PGBD4: variants seen among roughly 807,000 people sequenced by gnomAD.
PGBD4 encodes the protein piggyBac transposable element derived 4.
PGBD4 carries 1 observed loss-of-function variant against 0.3 expected under a neutral mutation model. The ratio of observed to expected loss-of-function variants is 3.72; its 90% CI spans 1.32 to 17.64. The LOEUF (loss-of-function observed/expected upper bound fraction) is 17.64, where lower values mean the gene tolerates loss of function less well. Ranked by LOEUF, PGBD4 falls within the 30% of genes most tolerant of loss-of-function variation. The pLI is 0.11. For synonymous variants in PGBD4, 253 were observed against 267.7 expected (o/e 0.95, Z 0.54); for missense variants, 624 against 719.7 (o/e 0.87, Z 1.52).
At position 34,102,660 on chromosome 15, in the gene PGBD4, T is replaced by G; in HGVS notation, c.129T>G (p.Asp43Glu). 6.2e-7 allele frequency: 1 copy of G among 1,614,184 alleles called. No individual in the cohort carries two copies. Among genetic ancestry groups the G allele is most frequent in the South Asian group, 1.1e-5 (1 of 91,084 alleles). The change falls in exon 1 of 1, where the codon GAT (aspartate) becomes GAG (glutamate). Residue 43 changes from aspartate to glutamate, a missense_variant. Physicochemically the swap from Asp to Glu is conservative, Grantham distance 45 (BLOSUM62 2). Coordinates refer to ENST00000397766, the MANE Select transcript of PGBD4 (RefSeq NM_152595.5). This position sits in a 1 kb window ranked among gnomAD's most constrained non-coding sequence, Gnocchi z 4.7. ...SEIDDSDNFS[D>E]SALEADKIRP... ...TAGATGATTCTGATAATTTTTCGGA[T>G]AGTGCTTTAGAAGCCGATAAGATCA... is the stretch of plus-strand genomic sequence containing the variant.
rs771859981 is a variant in PGBD4 at position 34,105,867 on chromosome 15, A to G, written c.*1578A>G. ...AAGTCAGTTCAGGACTGAGAAAGGAAAGATCAGTGCTGATTTTAATCAGAC... is the reference window on the plus strand; with the variant it reads ...AAGTCAGTTCAGGACTGAGAAAGGAGAGATCAGTGCTGATTTTAATCAGAC... On this transcript the variant is annotated 3_prime_UTR_variant, in exon 1 of 1. Transcript: ENST00000397766. The G allele has an allele frequency of 1.2e-5, 2 of 166,986 alleles. No individual in the cohort carries two copies. Among genetic ancestry groups the G allele is most frequent in the Non-Finnish European group, 2.9e-5 (2 of 68,124 alleles). 10.3% of individuals were successfully genotyped at this position (166,986 alleles called of 1,614,324 possible).
chr15:34,106,404 C>G lies in PGBD4; in HGVS notation c.*2115C>G, dbSNP rs1887764263. 2 of 152,320 alleles carry G rather than the reference C, an allele frequency of 1.3e-5. No individual in the cohort carries two copies. The highest frequency in any genetic ancestry group is 4.8e-5 in the African/African-American group (2 of 41,428). The allele number at this position is 152,320 out of a possible 1,614,324, so 9.4% of individuals were successfully genotyped here. A position where few individuals can be genotyped will look rare whatever the true frequency, so the allele number is the denominator to read the frequency against. On this transcript the variant is annotated 3_prime_UTR_variant, in exon 1 of 1. Transcript: ENST00000397766. ...GAGCCAAGATCGCACCACTGCACTC[C>G]AGCCCTGGCGACAGAGTGAGACTCC...
Position 34,106,090 on chromosome 15 carries a change from C to G in PGBD4, c.*1801C>G, listed in dbSNP as rs1168989059. On this transcript the variant is annotated 3_prime_UTR_variant, in exon 1 of 1. Transcript: ENST00000397766. Reference sequence around the variant, plus strand: ...ATACCCAATCAAGAGCCAATCCTTGCTTCCCTAGACTCTCCTCAATCATTC... The same window carrying G: ...ATACCCAATCAAGAGCCAATCCTTGGTTCCCTAGACTCTCCTCAATCATTC... 1.2e-5 allele frequency: 2 copies of G among 167,140 alleles called. No individual in the cohort carries two copies. The highest frequency in any genetic ancestry group is 2.9e-5 in the Non-Finnish European group (2 of 68,156). The allele number at this position is 167,140 out of a possible 1,614,324, so 10.4% of individuals were successfully genotyped here. A position where few individuals can be genotyped will look rare whatever the true frequency, so the allele number is the denominator to read the frequency against.
chr15:34,103,983 C>T lies in PGBD4; in HGVS notation c.1452C>T (p.Asn484=). 1.2e-6 allele frequency: 2 copies of T among 1,614,154 alleles called. No individual in the cohort carries two copies. Among genetic ancestry groups the T allele is most frequent in the Non-Finnish European group, 1.7e-6 (2 of 1,180,026 alleles). Residue 484 remains asparagine (N), a synonymous_variant, in exon 1 of 1, where the codon AAC becomes AAT. Coordinates refer to ENST00000397766, the MANE Select transcript of PGBD4 (RefSeq NM_152595.5). The surrounding 1 kb of genome is among the most constrained non-coding windows in gnomAD (Gnocchi z 4.6). Reference sequence around the variant, plus strand: ...CTGAGCACACGATGAGCCATATAAACTTCAGACTGGCATTGATTGAAAGAA... The same window carrying T: ...CTGAGCACACGATGAGCCATATAAATTTCAGACTGGCATTGATTGAAAGAA... ...DNPEHTMSHI[N]FRLALIERML...
At position 34,103,602 on chromosome 15, in the gene PGBD4, C is replaced by G. The variant is rs1901220547; in HGVS notation, c.1071C>G (p.Asn357Lys). ...RTDAVGTARLNRKQIPNDLKK... is the reference protein window; with the variant it reads ...RTDAVGTARLKRKQIPNDLKK... ...ATGCAGTTGGGACAGCTCGTTTGAACAGAAAACAGATTCCAAATGATCTGA... is the reference window on the plus strand; with the variant it reads ...ATGCAGTTGGGACAGCTCGTTTGAAGAGAAAACAGATTCCAAATGATCTGA... Residue 357 changes from asparagine to lysine, a missense_variant, in exon 1 of 1, where the codon AAC becomes AAG. Transcript: ENST00000397766. This position sits in a 1 kb window ranked among gnomAD's most constrained non-coding sequence, Gnocchi z 4.6. 6.2e-7 allele frequency: 1 copy of G among 1,613,912 alleles called. No homozygotes were observed. Among genetic ancestry groups the G allele is most frequent in the African/African-American group, 1.3e-5 (1 of 74,850 alleles).
In PGBD4 at chr15:34,107,516, ATCT is replaced by A. The variant is rs1001641932; in HGVS notation, c.*3233_*3235del. On this transcript the variant is annotated 3_prime_UTR_variant, in exon 1 of 1. Coordinates refer to ENST00000397766, the MANE Select transcript of PGBD4 (RefSeq NM_152595.5). ...TTTGTAATTTTGATGATATTGTGAA[ATCT>A]TCTTCCACAGAAGTTGTTGCAACTT... The A allele has an allele frequency of 1.8e-4, 27 of 152,340 alleles. No homozygotes were observed. Among genetic ancestry groups the A allele is most frequent in the Admixed American group, 3.3e-4 (5 of 15,304 alleles). 9.4% of individuals were successfully genotyped at this position (152,340 alleles called of 1,614,324 possible).
rs897424382 is a variant in PGBD4 at position 34,103,971 on chromosome 15, G to A, written c.1440G>A (p.Met480Ile). 2 of 1,614,064 alleles carry A rather than the reference G, an allele frequency of 1.2e-6. No homozygotes were observed. Among genetic ancestry groups the A allele is most frequent in the Non-Finnish European group, 1.7e-6 (2 of 1,179,952 alleles). Residue 480 changes from methionine to isoleucine, a missense_variant, in exon 1 of 1, where the codon ATG becomes ATA. Transcript: ENST00000397766. This position sits in a 1 kb window ranked among gnomAD's most constrained non-coding sequence, Gnocchi z 4.6. ...LFKKDNPEHTMSHINFRLALI... is the reference protein window; with the variant it reads ...LFKKDNPEHTISHINFRLALI... Reference sequence around the variant, plus strand: ...AGAAGGATAATCCTGAGCACACGATGAGCCATATAAACTTCAGACTGGCAT... The same window carrying A: ...AGAAGGATAATCCTGAGCACACGATAAGCCATATAAACTTCAGACTGGCAT...
chr15:34,106,477 T>C lies in PGBD4; in HGVS notation c.*2188T>C, dbSNP rs1176372093. On this transcript the variant is annotated 3_prime_UTR_variant, in exon 1 of 1. Transcript: ENST00000397766. ...CCTTCTGTTCCCTCTTACTGTTATA[T>C]CCTTGGTTTCTCTGGTGTGGGGTCT... 6.6e-6 allele frequency: 1 copy of C among 152,194 alleles called. No individual in the cohort carries two copies. Among genetic ancestry groups the C allele is most frequent in the Admixed American group, 6.5e-5 (1 of 15,268 alleles). 9.4% of individuals were successfully genotyped at this position (152,194 alleles called of 1,614,324 possible).
rs1204336328 is a variant in PGBD4, at chr15:34,107,130, TATA to T, written c.*2847_*2849del. 2.6e-5 allele frequency: 4 copies of T among 151,524 alleles called. No individual in the cohort carries two copies. The highest frequency in any genetic ancestry group is 6.6e-5 in the Admixed American group (1 of 15,178). The allele number at this position is 151,524 out of a possible 1,614,324, so 9.4% of individuals were successfully genotyped here. On this transcript the variant is annotated 3_prime_UTR_variant, in exon 1 of 1. Transcript: ENST00000397766. Reference sequence around the variant, plus strand: ...TTGTTTAATATAAAATACACTAATATATAATAATGTATTACCTAACATATGATT... The same window carrying T: ...TTGTTTAATATAAAATACACTAATATATAATGTATTACCTAACATATGATT...
rs1374492194 is a variant in PGBD4, at chr15:34,108,412, T to C, written c.*4123T>C. On this transcript the variant is annotated 3_prime_UTR_variant, in exon 1 of 1. Coordinates refer to ENST00000397766, the MANE Select transcript of PGBD4 (RefSeq NM_152595.5). ...AAGGATAAAAGCCTCAAAATCCTGATTTTGAAATACAAAGTGCTGATTTTA... is the reference window on the plus strand; with the variant it reads ...AAGGATAAAAGCCTCAAAATCCTGACTTTGAAATACAAAGTGCTGATTTTA... 4 of 152,220 alleles carry C rather than the reference T, an allele frequency of 2.6e-5. No individual in the cohort carries two copies. The highest frequency in any genetic ancestry group is 9.6e-5 in the African/African-American group (4 of 41,464). The allele number at this position is 152,220 out of a possible 1,614,324, so 9.4% of individuals were successfully genotyped here. A position where few individuals can be genotyped will look rare whatever the true frequency, so the allele number is the denominator to read the frequency against.
Position 34,104,330 on chromosome 15 carries a change from A to T in PGBD4, c.*41A>T. ...CACATCTGTTCCATTAGGATTAGAG[A>T]CAAGTTCTGTTTAGAAATAACTCCA... On this transcript the variant is annotated 3_prime_UTR_variant, in exon 1 of 1. Coordinates refer to ENST00000397766, the MANE Select transcript of PGBD4 (RefSeq NM_152595.5). 6.4e-7 allele frequency: 1 copy of T among 1,564,134 alleles called. No homozygotes were observed. The highest frequency in any genetic ancestry group is 8.7e-7 in the Non-Finnish European group (1 of 1,154,596).
chr15:34,102,781 C>T lies in PGBD4; in HGVS notation c.250C>T (p.Gln84Ter), dbSNP rs779317023. 19 of 1,614,042 alleles carry T rather than the reference C, an allele frequency of 1.2e-5. No individual in the cohort carries two copies. The Admixed American group carries it at 1.3e-4, about 11-fold the overall frequency. The change falls in exon 1 of 1, where the codon CAA becomes TAA. Residue 84 changes from glutamine (Q) to a stop codon, truncating the protein, a stop_gained. Coordinates refer to ENST00000397766, the MANE Select transcript of PGBD4 (RefSeq NM_152595.5). LOFTEE classifies it low-confidence loss of function (END_TRUNC). This position sits in a 1 kb window ranked among gnomAD's most constrained non-coding sequence, Gnocchi z 4.7. ...GTCAGCTCGTGCTATGATTCCACGT[C>T]AAAGGTATGACTTTACCGGCACACC... Reference protein sequence around the residue: ...KWSARAMIPRQRYDFTGTPGR... With the variant: ...KWSARAMIPR
Position 34,102,463 on chromosome 15 carries a change from T to C in PGBD4, c.-69T>C, listed in dbSNP as rs1901195642. ...ACTTTTGAAACAAAAGACATCATTCTGTTTATAGCATTCTGTTTTTAGTAG... is the reference window on the plus strand; with the variant it reads ...ACTTTTGAAACAAAAGACATCATTCCGTTTATAGCATTCTGTTTTTAGTAG... On this transcript the variant is annotated 5_prime_UTR_variant, in exon 1 of 1. Transcript: ENST00000397766. This position sits in a 1 kb window ranked among gnomAD's most constrained non-coding sequence, Gnocchi z 4.7. The C allele has an allele frequency of 4.2e-6, 6 of 1,441,172 alleles. No individual in the cohort carries two copies. The highest frequency in any genetic ancestry group is 5.4e-6 in the Non-Finnish European group (6 of 1,101,122). 89.3% of individuals were successfully genotyped at this position (1,441,172 alleles called of 1,614,324 possible).
In PGBD4 at chr15:34,106,408, C is replaced by G. The variant is rs1201492135; in HGVS notation, c.*2119C>G. The G allele has an allele frequency of 6.6e-6, 1 of 152,252 alleles. No homozygotes were observed. The highest frequency in any genetic ancestry group is 1.5e-5 in the Non-Finnish European group (1 of 68,134). The allele number at this position is 152,252 out of a possible 1,614,324, so 9.4% of individuals were successfully genotyped here. On this transcript the variant is annotated 3_prime_UTR_variant, in exon 1 of 1. Coordinates refer to ENST00000397766, the MANE Select transcript of PGBD4 (RefSeq NM_152595.5). Reference sequence around the variant, plus strand: ...CAAGATCGCACCACTGCACTCCAGCCCTGGCGACAGAGTGAGACTCCATCT... The same window carrying G: ...CAAGATCGCACCACTGCACTCCAGCGCTGGCGACAGAGTGAGACTCCATCT...
At position 34,104,602 on chromosome 15, in the gene PGBD4, C is replaced by A. The variant is rs1022618547; in HGVS notation, c.*313C>A. The A allele has an allele frequency of 5.4e-5, 14 of 257,668 alleles. No individual in the cohort carries two copies. Among genetic ancestry groups the A allele is most frequent in the Admixed American group, 4.6e-4 (9 of 19,566 alleles). The allele number at this position is 257,668 out of a possible 1,614,324, so 16.0% of individuals were successfully genotyped here. A position where few individuals can be genotyped will look rare whatever the true frequency, so the allele number is the denominator to read the frequency against. On this transcript the variant is annotated 3_prime_UTR_variant, in exon 1 of 1. Transcript: ENST00000397766. ...TGGGTGACATAGCGAGACTCCATCT[C>A]AAAAAAAAGAAATAACTCCAAGAAC...
Position 34,104,113 on chromosome 15 carries a change from A to G in PGBD4, c.1582A>G (p.Ile528Val), listed in dbSNP as rs1236864844. The G allele has an allele frequency of 1.9e-6, 3 of 1,614,116 alleles. No homozygotes were observed. Among genetic ancestry groups the G allele is most frequent in the East Asian group, 2.2e-5 (1 of 44,900 alleles). The change falls in exon 1 of 1, where the codon ATA (isoleucine) becomes GTA (valine). Residue 528 changes from isoleucine to valine, a missense_variant. Transcript: ENST00000397766. The stretch of plus-strand genomic sequence containing the variant: ...GTCTGGAAGACATTTCCCCAAGAGC[A>G]TACCAGCAACGTCCGGGAAACAGAA... Reference protein sequence around the residue: ...RLSGRHFPKSIPATSGKQNPT... With the variant: ...RLSGRHFPKSVPATSGKQNPT...
Position 34,102,419 on chromosome 15 carries a change from G to T in PGBD4, c.-113G>T. 1 of 1,381,968 alleles carries T rather than the reference G, an allele frequency of 7.2e-7. No individual in the cohort carries two copies. The highest frequency in any genetic ancestry group is 9.4e-7 in the Non-Finnish European group (1 of 1,064,874). 85.6% of individuals were successfully genotyped at this position (1,381,968 alleles called of 1,614,324 possible). On this transcript the variant is annotated 5_prime_UTR_variant, in exon 1 of 1. Coordinates refer to ENST00000397766, the MANE Select transcript of PGBD4 (RefSeq NM_152595.5). The surrounding 1 kb of genome is among the most constrained non-coding windows in gnomAD (Gnocchi z 4.7). ...GAAATATCTCGCTTCTGTTATTTTC[G>T]CATGGTTCTGGTATATTGACTTTTG...
Position 34,104,193 on chromosome 15 carries a change from G to A in PGBD4, c.1662G>A (p.Lys554=). Residue 554 remains lysine (K), a synonymous_variant, in exon 1 of 1, where the codon AAG becomes AAA. Transcript: ENST00000397766. ...CCSQYDKDGK[K]IRKETRYFCA... is the part of the protein sequence containing the mutation. ...CCCAATACGACAAGGATGGCAAGAA[G>A]ATCCGGAAAGAAACGCGCTATTTTT... The A allele has an allele frequency of 1.9e-6, 3 of 1,614,198 alleles. No individual in the cohort carries two copies. In the East Asian group the frequency reaches 6.7e-5, roughly 36 times the overall value.
In PGBD4 at chr15:34,107,778, C is replaced by T. The variant is rs1470333031; in HGVS notation, c.*3489C>T. ...CCAGGTTCAAACGATTCTCCTGTCT[C>T]ACCCTCCCGAGTAGCTGGGATTACA... On this transcript the variant is annotated 3_prime_UTR_variant, in exon 1 of 1. Coordinates refer to ENST00000397766, the MANE Select transcript of PGBD4 (RefSeq NM_152595.5). The T allele has an allele frequency of 6.6e-6, 1 of 152,332 alleles. No homozygotes were observed. The highest frequency in any genetic ancestry group is 2.4e-5 in the African/African-American group (1 of 41,420). The allele number at this position is 152,332 out of a possible 1,614,324, so 9.4% of individuals were successfully genotyped here.
Sources: allele counts gnomAD v4.1 joint callset, GRCh38; gene constraint gnomAD v4.1.1; non-coding constraint Gnocchi (gnomAD v3.1); transcripts MANE v1.5; gene names NCBI Gene and HGNC (gene_info 2026-07-23, HGNC 2026-07-21).